The following SGSM1 variants were observed in gnomAD, a reference collection of about 807,000 sequenced individuals.
SGSM1 encodes the protein small G protein signaling modulator 1, also known as RUN and TBC1 domain containing 2.
A neutral mutation model predicts 133.8 loss-of-function variants in SGSM1; 73 were observed. That is an observed-to-expected ratio of 0.55 (90% CI 0.45 to 0.66). The LOEUF is 0.66. Ranked by LOEUF, SGSM1 falls within the 30% of genes least tolerant of loss-of-function variation. The pLI is 0.00. For missense variants in SGSM1, 1,213 were observed against 1,448.1 expected (o/e 0.84, Z 2.64); for synonymous variants, 563 against 573.0 (o/e 0.98, Z 0.25).
chr22:24,819,231 C>G (rs1464744889), intron 2 of SGSM1, among the ~76,000 whole-genome samples: 1 of 151,942 alleles, frequency 6.6e-6, no homozygotes, highest in Non-Finnish European at 1.5e-5. Context: ...CCTGCCTTGT[C>G]CCAGTATGTT....
At chr22:24,872,162 C>A (rs867559662) in intron 12 of SGSM1, among the ~76,000 whole-genome samples, 1 of 152,244 alleles carries the variant, frequency 6.6e-6, no homozygotes, top group Middle Eastern at 3.4e-3. Context: ...CAGATATATG[C>A]CTTAAATATA....
chr22:24,842,248 G>A (rs1477753822), intron 2 of SGSM1, among the ~76,000 whole-genome samples: 1 of 152,138 alleles, frequency 6.6e-6, no homozygotes, highest in Admixed American at 6.5e-5. Context: ...TTCATGACAT[G>A]TTGCAGAAGG....
intron 5 of SGSM1, among the ~76,000 whole-genome samples, chr22:24,851,030 G>A (rs1930425674): frequency 6.6e-6 from 1 of 150,980 alleles, no homozygotes; most frequent in Admixed American, 6.6e-5. Flanking sequence ...GAACCCGGGA[G>A]GTAGAGCTTG....
rs369148513 is a variant in SGSM1, at chr22:24,855,604, G to A, written c.725G>A (p.Arg242His). 8.7e-6 allele frequency: 14 copies of A among 1,613,758 alleles called. No homozygotes were observed. The highest frequency in any genetic ancestry group is 1.6e-4 in the Middle Eastern group (1 of 6,084). Residue 242 changes from arginine (R) to histidine (H), a missense_variant, in exon 8 of 25, where the codon CGC becomes CAC. Physicochemically the swap from Arg to His is conservative, Grantham distance 29 (BLOSUM62 0). Coordinates refer to ENST00000400358, the MANE Select transcript of SGSM1 (RefSeq NM_001098497.3). Reference protein sequence around the residue: ...SMDDRPSLSARDYVESLHQNS... With the variant: ...SMDDRPSLSAHDYVESLHQNS... ...GATGACCGGCCATCCCTCTCTGCCC[G>A]CGACTACGTGGAGTCCCTGCATCAG...
Position 24,823,220 on chromosome 22 carries a change from C to T in SGSM1, c.63+16736C>T, listed in dbSNP as rs534279996. ...TCATACCCCCAGGCATGGTGCCAGG[C>T]ACTCAGTAAACAACATTTTATAAAT... is the stretch of plus-strand genomic sequence containing the variant. On this transcript the variant is annotated intron_variant, in intron 2 of 24. Transcript: ENST00000400358. 6.6e-5 allele frequency among the ~76,000 whole-genome samples: 10 copies of T among 152,320 alleles called. No homozygotes were observed. In the South Asian group the frequency reaches 1.9e-3, roughly 28 times the overall value.
At chr22:24,899,021 CAAAAAAAA>C (rs11284624) in intron 19 of SGSM1, among the ~76,000 whole-genome samples, 7 of 62,480 alleles carry the variant, frequency 1.1e-4, no homozygotes, top group Middle Eastern at 0.014. Flanking sequence ...AGCAAGATCT[CAAAAAAAA>C]AAAAAAAAAA....
At chr22:24,846,945 A>G (rs1930184996) in intron 3 of SGSM1, among the ~76,000 whole-genome samples, 1 of 151,342 alleles carries the variant, frequency 6.6e-6, no homozygotes, top group Non-Finnish European at 1.5e-5. Flanking sequence ...GGTTCATGCC[A>G]TTCTCCTGCC....
At chr22:24,922,381 C>T (rs1225151856) in intron 24 of SGSM1, among the ~76,000 whole-genome samples, 1 of 151,516 alleles carries the variant, frequency 6.6e-6, no homozygotes, top group Non-Finnish European at 1.5e-5. Context: ...GGGGTTTCAC[C>T]GTGTTAGCCA....
chr22:24,892,788 C>A (rs976172710), intron 16 of SGSM1, among the ~76,000 whole-genome samples: 1 of 150,592 alleles, frequency 6.6e-6, no homozygotes, highest in Non-Finnish European at 1.5e-5. Flanking sequence ...GTGGCTCACA[C>A]CTGTAATCCC....
At chr22:24,902,495 T>C (rs1234495326) in intron 20 of SGSM1, among the ~76,000 whole-genome samples, 1 of 152,088 alleles carries the variant, frequency 6.6e-6, no homozygotes, top group Non-Finnish European at 1.5e-5. Flanking sequence ...GGCAACATAG[T>C]GAGACCCTAT....
At chr22:24,923,352 T>C (rs1934079643) in intron 24 of SGSM1, among the ~76,000 whole-genome samples, 2 of 141,730 alleles carry the variant, frequency 1.4e-5, no homozygotes. Context: ...TTTTAGTGTT[T>C]TTCTTTTTTT....
chr22:24,918,740 T>C (rs955261753), intron 23 of SGSM1, among the ~76,000 whole-genome samples: 1 of 151,820 alleles, frequency 6.6e-6, no homozygotes, highest in Admixed American at 6.6e-5. Flanking sequence ...TTTTTTTTTT[T>C]CTTTTTTGGA....
intron 18 of SGSM1, 126 bp from the exon 19 acceptor site, chr22:24,897,846 G>C: frequency 1.3e-6 from 1 of 789,602 alleles, no homozygotes; most frequent in Non-Finnish European, 2.0e-6. Flanking sequence ...CTGACTGTAT[G>C]GTATTCCACT....
Position 24,893,576 on chromosome 22 carries a change from A to G in SGSM1, c.1916A>G (p.His639Arg). 6.3e-7 allele frequency: 1 copy of G among 1,592,342 alleles called. No homozygotes were observed. Residue 639 changes from histidine to arginine, a missense_variant, in exon 17 of 25, where the codon CAC (histidine) becomes CGC (arginine). By Grantham distance (29) the His-to-Arg change is conservative (BLOSUM62 0). Coordinates refer to ENST00000400358, the MANE Select transcript of SGSM1 (RefSeq NM_001098497.3). Reference protein sequence around the residue: ...SSGASLDSHLHRMLHRDSTIS... With the variant: ...SSGASLDSHLRRMLHRDSTIS... ...GGGGCCAGCTTGGACAGCCACCTGC[A>G]CCGGATGTTGCACAGGGACTCAACC...
intron 17 of SGSM1, 77 bp from the exon 18 acceptor site, chr22:24,895,146 C>T (rs996584489): frequency 1.9e-5 from 27 of 1,441,018 alleles, no homozygotes; most frequent in Non-Finnish European, 2.3e-5. Flanking sequence ...CTTTCTGGCT[C>T]CCAGCCCAGC....
intron 9 of SGSM1, 67 bp from the exon 10 acceptor site, chr22:24,867,026 C>G: frequency 6.6e-7 from 1 of 1,522,706 alleles, no homozygotes; most frequent in Non-Finnish European, 9.0e-7. Context: ...GTCTGCTGGC[C>G]TCTGAGCCCC....
intron 19 of SGSM1, among the ~76,000 whole-genome samples, chr22:24,899,683 G>A (rs903346884): frequency 1.3e-5 from 2 of 151,820 alleles, no homozygotes; most frequent in Non-Finnish European, 1.5e-5. Flanking sequence ...CACCACGCCC[G>A]GCTAATTTTT....
In SGSM1 at chr22:24,896,630, T is replaced by G. The variant is rs554850248; in HGVS notation, c.2022+1339T>G. ...TTTTTTTATTTTTTGTTTTTTGGTT[T>G]TTTTTTTTTTGCCTTTTCCGTGTGT... On this transcript the variant is annotated intron_variant, in intron 18 of 24. Transcript: ENST00000400358. Among the ~76,000 whole-genome samples, 186 of 135,598 alleles carry G rather than the reference T, an allele frequency of 1.4e-3. 1 individual carries two copies. Among genetic ancestry groups the G allele is most frequent in the African/African-American group, 4.9e-3 (129 of 26,344 alleles). The allele number at this position is 135,598 out of a possible 152,430, so 89.0% of individuals were successfully genotyped here.
intron 2 of SGSM1, among the ~76,000 whole-genome samples, chr22:24,817,181 A>C (rs1601885712): frequency 6.6e-6 from 1 of 152,162 alleles, no homozygotes; most frequent in African/African-American, 2.4e-5. Flanking sequence ...CGGGAGGTAT[A>C]CACTCCTGTG....
Sources: gnomAD v4.1 joint callset for allele counts (sites outside exome capture counted in the v4.1 genomes callset) on GRCh38, gnomAD v4.1.1 for gene constraint, MANE v1.5 for transcripts, NCBI Gene and HGNC (gene_info 2026-07-23, HGNC 2026-07-21) for gene names.